The following TNIP2 variants were observed in gnomAD, a reference collection of about 807,000 sequenced individuals.
TNIP2 encodes TNFAIP3-interacting protein 2.
TNIP2 carries 30 observed loss-of-function variants against 43.7 expected under a neutral mutation model. That is an observed-to-expected ratio of 0.69 (90% CI 0.51 to 0.93). The LOEUF is 0.93. Among genes scored for constraint, TNIP2 ranks in the 40% least tolerant of loss-of-function variants. The pLI is 0.00. For synonymous variants in TNIP2, 260 were observed against 254.6 expected (o/e 1.02, Z -0.20); for missense variants, 599 against 591.0 (o/e 1.01, Z -0.14).
intron 1 of TNIP2, among the ~76,000 whole-genome samples, chr4:2,750,553 A>G (rs979654702): frequency 1.3e-5 from 2 of 151,916 alleles, no homozygotes; most frequent in African/African-American, 4.8e-5. Flanking sequence ...CAACCTCCCA[A>G]ATAGCTGGGA....
chr4:2,748,643 C>T (rs1321228110), intron 1 of TNIP2, among the ~76,000 whole-genome samples: 1 of 135,146 alleles, frequency 7.4e-6, no homozygotes, highest in Non-Finnish European at 1.6e-5. Context: ...CAGGCGTGAG[C>T]CACCACGCCT....
intron 1 of TNIP2, among the ~76,000 whole-genome samples, chr4:2,748,313 T>C (rs1427174292): frequency 6.6e-6 from 1 of 152,102 alleles, no homozygotes; most frequent in African/African-American, 2.4e-5. Flanking sequence ...GTAGCTGGGA[T>C]TATAGAGCCC....
At chr4:2,752,957 C>T (rs1406158778) in intron 1 of TNIP2, among the ~76,000 whole-genome samples, 4 of 151,774 alleles carry the variant, frequency 2.6e-5, no homozygotes, top group East Asian at 3.9e-4. Context: ...CCTAGACACT[C>T]GGGAGGCTGT....
chr4:2,743,917 C>A (rs958339487), intron 5 of TNIP2, among the ~76,000 whole-genome samples: 3 of 152,212 alleles, frequency 2.0e-5, no homozygotes, highest in Non-Finnish European at 4.4e-5. Context: ...AGGAAAAGCA[C>A]TGAGCCCAGG....
intron 1 of TNIP2, among the ~76,000 whole-genome samples, chr4:2,753,986 G>A (rs1722163751): frequency 6.6e-6 from 1 of 152,222 alleles, no homozygotes; most frequent in South Asian, 2.1e-4. Flanking sequence ...ATACACAGAG[G>A]AAAAACAGGA....
Position 2,744,555 on chromosome 4 carries a change from C to A in TNIP2, c.907-49G>T, listed in dbSNP as rs1466993027. Reference sequence around the variant, plus strand: ...TTCTGCTCAAGGAAGGAGGAAGCGCCCCACCAGGCTTCTCCCACCCCCACA... The same window carrying A: ...TTCTGCTCAAGGAAGGAGGAAGCGCACCACCAGGCTTCTCCCACCCCCACA... On this transcript the variant is annotated intron_variant, in intron 4 of 5. Coordinates refer to ENST00000315423, the MANE Select transcript of TNIP2 (RefSeq NM_024309.4). This position sits in a 1 kb window ranked among gnomAD's most constrained non-coding sequence, Gnocchi z 5.1. 6.2e-7 allele frequency: 1 copy of A among 1,611,740 alleles called. No individual in the cohort carries two copies. The highest frequency in any genetic ancestry group is 8.5e-7 in the Non-Finnish European group (1 of 1,178,930).
Position 2,744,973 on chromosome 4 carries a change from G to A in TNIP2, c.658-28C>T, listed in dbSNP as rs748109974. 1.9e-5 allele frequency: 30 copies of A among 1,583,044 alleles called. No individual in the cohort carries two copies. The highest frequency in any genetic ancestry group is 3.4e-4 in the Middle Eastern group (2 of 5,910). On this transcript the variant is annotated intron_variant, in intron 3 of 5. Transcript: ENST00000315423. This position sits in a 1 kb window ranked among gnomAD's most constrained non-coding sequence, Gnocchi z 5.1. ...GAAGAGGTGGAGCCGGAAAGCTCAC[G>A]GTGAAGGCAGCTGACAAAGCTGCTC...
At position 2,742,231 on chromosome 4, in the gene TNIP2, GC is replaced by G. The variant is rs773699634; in HGVS notation, c.*25del. 13 of 1,443,978 alleles carry G rather than the reference GC, an allele frequency of 9.0e-6. No homozygotes were observed. In the South Asian group the frequency reaches 2.0e-4, roughly 22 times the overall value. The allele number at this position is 1,443,978 out of a possible 1,614,324, so 89.4% of individuals were successfully genotyped here. ...GAGGGCAGCTGCACCGGGCCAGGAG[GC>G]CGCAAGGGCACGGGTGAGTCTCGGT... On this transcript the variant is annotated 3_prime_UTR_variant, in exon 6 of 6. Transcript: ENST00000315423.
rs1245549706 is a variant in TNIP2, at chr4:2,744,715, C to G, written c.888G>C (p.Val296=). ...RTARDAALER[V]QMLEQQILAY... is the part of the protein sequence containing the mutation. The stretch of plus-strand genomic sequence containing the variant: ...CAGACACCTGCTGTTCCAGCATCTG[C>G]ACCCGCTCCAACGCAGCATCCCGGG... Residue 296 remains valine, a synonymous_variant, in exon 4 of 6, where the codon GTG becomes GTC. Coordinates refer to ENST00000315423, the MANE Select transcript of TNIP2 (RefSeq NM_024309.4). This position sits in a 1 kb window ranked among gnomAD's most constrained non-coding sequence, Gnocchi z 5.1. 6.2e-7 allele frequency: 1 copy of G among 1,603,784 alleles called. No individual in the cohort carries two copies. The highest frequency in any genetic ancestry group is 8.5e-7 in the Non-Finnish European group (1 of 1,179,748).
chr4:2,750,054 C>T (rs1722062095), intron 1 of TNIP2, among the ~76,000 whole-genome samples: 1 of 152,198 alleles, frequency 6.6e-6, no homozygotes, highest in African/African-American at 2.4e-5. Context: ...CCGCCTGCCT[C>T]AGCCTCCCAA....
At chr4:2,745,825 A>G (rs779077126) in intron 2 of TNIP2, among the ~76,000 whole-genome samples, 1 of 152,264 alleles carries the variant, frequency 6.6e-6, no homozygotes, top group Non-Finnish European at 1.5e-5. Context: ...TGTCTTTTAA[A>G]TATTTGGAAT....
At chr4:2,750,896 C>G (rs1402069691) in intron 1 of TNIP2, among the ~76,000 whole-genome samples, 1 of 152,164 alleles carries the variant, frequency 6.6e-6, no homozygotes, top group Admixed American at 6.5e-5. Context: ...GCTCGTAGAT[C>G]CTGAGGGCGT....
At position 2,756,153 on chromosome 4, in the gene TNIP2, G is replaced by A; in HGVS notation, c.137C>T (p.Ala46Val). ...DQLAARDALI[A>V]RLRARLAALE... ...CGCGGCCAGGCGGGCGCGGAGGCGA[G>A]CGATGAGGGCGTCGCGGGCAGCGAG... The change falls in exon 1 of 6, where the codon GCT (alanine) becomes GTT (valine). Residue 46 changes from alanine to valine, a missense_variant. Physicochemically the swap from Ala to Val is moderately conservative, Grantham distance 64. Coordinates refer to ENST00000315423, the MANE Select transcript of TNIP2 (RefSeq NM_024309.4). 1.4e-6 allele frequency: 2 copies of A among 1,476,774 alleles called. No homozygotes were observed. Among genetic ancestry groups the A allele is most frequent in the Admixed American group, 2.4e-5 (1 of 41,526 alleles). The allele number at this position is 1,476,774 out of a possible 1,614,324, so 91.5% of individuals were successfully genotyped here. A position where few individuals can be genotyped will look rare whatever the true frequency, so the allele number is the denominator to read the frequency against.
intron 3 of TNIP2, 139 bp downstream of exon 3, chr4:2,745,307 C>T: frequency 1.5e-6 from 1 of 679,920 alleles, no homozygotes; most frequent in Non-Finnish European, 2.6e-6. Flanking sequence ...CAAAAAAGTC[C>T]AGTCTCTAGG....
At chr4:2,748,794 ATTTTTT>A (rs59776048) in intron 1 of TNIP2, among the ~76,000 whole-genome samples, 1 of 140,812 alleles carries the variant, frequency 7.1e-6, no homozygotes, top group African/African-American at 2.7e-5. Context: ...GCGCCCAGCA[ATTTTTT>A]TTTTTTTTTT....
chr4:2,755,922 G>A (rs1170295142), intron 1 of TNIP2, 92 bp downstream of exon 1: 4 of 1,396,762 alleles, frequency 2.9e-6, no homozygotes, highest in East Asian at 6.0e-5. Context: ...CAACCCCTCA[G>A]GACCCGGGGC....
chr4:2,741,893 TGG>T lies in TNIP2; in HGVS notation c.*362_*363del, dbSNP rs1333279289. On this transcript the variant is annotated 3_prime_UTR_variant, in exon 6 of 6. Transcript: ENST00000315423. Reference sequence around the variant, plus strand: ...ATAGAACAGGATGGGGCTCCCACCCTGGGGACCATACAAGTGACTCCCTCAGG... The same window carrying T: ...ATAGAACAGGATGGGGCTCCCACCCTGGACCATACAAGTGACTCCCTCAGG... 5 of 194,046 alleles carry T rather than the reference TGG, an allele frequency of 2.6e-5. No homozygotes were observed. The highest frequency in any genetic ancestry group is 4.2e-5 in the Non-Finnish European group (4 of 95,890). 12.0% of individuals were successfully genotyped at this position (194,046 alleles called of 1,614,324 possible). A position where few individuals can be genotyped will look rare whatever the true frequency, so the allele number is the denominator to read the frequency against.
chr4:2,750,010 C>T (rs1722060806), intron 1 of TNIP2, among the ~76,000 whole-genome samples: 2 of 152,140 alleles, frequency 1.3e-5, no homozygotes, highest in South Asian at 4.1e-4. Flanking sequence ...AAGGTTTCAC[C>T]ACTTTGCCCA....
chr4:2,750,907 G>A (rs967773095), intron 1 of TNIP2, among the ~76,000 whole-genome samples: 4 of 152,138 alleles, frequency 2.6e-5, no homozygotes, highest in Non-Finnish European at 5.9e-5. Flanking sequence ...CTGAGGGCGT[G>A]GCTCTCTCTT....
Sources: gnomAD v4.1 joint callset for allele counts (sites outside exome capture counted in the v4.1 genomes callset) on GRCh38, gnomAD v4.1.1 for gene constraint, Gnocchi (gnomAD v3.1) non-coding constraint, MANE v1.5 for transcripts, NCBI Gene and HGNC (gene_info 2026-07-23, HGNC 2026-07-21) for gene names.